Variants in MALRD1 observed in about 807,000 individuals in gnomAD.
MALRD1 encodes MAM and LDL-receptor class A domain-containing protein 1.
A neutral mutation model predicts 242.1 loss-of-function variants in MALRD1; 247 were observed. The ratio of observed to expected loss-of-function variants is 1.02; its 90% CI spans 0.92 to 1.13. The LOEUF is 1.13. Among genes scored for constraint, MALRD1 ranks in the 50% most tolerant of loss-of-function variants. The pLI is 0.00. For missense variants in MALRD1, 2,989 were observed against 2,533.1 expected, an observed-to-expected ratio of 1.18 and a Z score of -3.86; for synonymous variants, 995 against 866.6, an observed-to-expected ratio of 1.15 and a Z score of -2.60.
intron 29 of MALRD1, among the ~76,000 whole-genome samples, chr10:19,457,285 ATC>A (rs1441913871): frequency 6.6e-6 from 1 of 152,154 alleles, no homozygotes; most frequent in Non-Finnish European, 1.5e-5. Flanking sequence ...CACTTGACAT[ATC>A]TGTCAAGCAG....
intron 32 of MALRD1, among the ~76,000 whole-genome samples, chr10:19,533,921 A>C (rs554150219): frequency 1.3e-5 from 2 of 152,344 alleles, no homozygotes; most frequent in Admixed American, 1.3e-4. Flanking sequence ...TCCTCTAAGC[A>C]TTTAATGCAG....
intron 29 of MALRD1, among the ~76,000 whole-genome samples, chr10:19,454,713 T>TACACACACAC (rs35489123): frequency 9.1e-4 from 120 of 132,408 alleles, no homozygotes; most frequent in African/African-American, 3.0e-3. Context: ...CGTGCACACG[T>TACACACACAC]ACACACACAC....
chr10:19,282,316 T>C lies in MALRD1; in HGVS notation c.3257-703T>C, dbSNP rs776462430. ...ACATTAACTCATATACCCAAATTTC[T>C]AAATGGTCATAGTGGTATGCTGCCA... On this transcript the variant is annotated intron_variant, in intron 20 of 39. Transcript: ENST00000454679. 5.3e-5 allele frequency among the ~76,000 whole-genome samples: 8 copies of C among 152,184 alleles called. 1 individual carries two copies. Among genetic ancestry groups the C allele is most frequent in the Non-Finnish European group, 8.8e-5 (6 of 68,036 alleles).
chr10:19,287,372 C>A (rs2131904800), intron 21 of MALRD1, among the ~76,000 whole-genome samples: 1 of 152,038 alleles, frequency 6.6e-6, no homozygotes, highest in South Asian at 2.1e-4. Flanking sequence ...CTATTTCTCT[C>A]CCCAAATTCC....
At chr10:19,231,362 A>G (rs987697226) in intron 18 of MALRD1, among the ~76,000 whole-genome samples, 1 of 152,096 alleles carries the variant, frequency 6.6e-6, no homozygotes, top group Non-Finnish European at 1.5e-5. Context: ...ACAAATCTCT[A>G]TCTCAAATCT....
At chr10:19,623,492 A>C (rs1423025733) in intron 36 of MALRD1, among the ~76,000 whole-genome samples, 1 of 152,154 alleles carries the variant, frequency 6.6e-6, no homozygotes, top group Non-Finnish European at 1.5e-5. Context: ...ATCCCACAAC[A>C]TGCCATCTGC....
chr10:19,411,571 G>A (rs945954302), intron 28 of MALRD1, among the ~76,000 whole-genome samples: 1 of 152,130 alleles, frequency 6.6e-6, no homozygotes, highest in African/African-American at 2.4e-5. Context: ...AAGTTACAGA[G>A]AACTCATTAA....
chr10:19,602,557 G>A (rs1317849224), intron 34 of MALRD1, among the ~76,000 whole-genome samples: 1 of 151,780 alleles, frequency 6.6e-6, no homozygotes, highest in Non-Finnish European at 1.5e-5. Flanking sequence ...AGTGTTCCAT[G>A]GTGTATATGT....
In MALRD1 at chr10:19,426,715, A is replaced by T. The variant is rs1037159202; in HGVS notation, c.4846-23592A>T. On this transcript the variant is annotated intron_variant, in intron 28 of 39. Transcript: ENST00000454679. ...CTTCTTGGGAGGCTGAGGCAAGAGA[A>T]TCACTTGAACCTGGGAGGTAGAGGT... Among the ~76,000 whole-genome samples the T allele has an allele frequency of 2.6e-5, 4 of 152,264 alleles. No individual in the cohort carries two copies. In the East Asian group the frequency reaches 7.7e-4, roughly 29 times the overall value.
rs149780969 is a variant in MALRD1, at chr10:19,156,944, C to T, written c.1656+1772C>T. Among the ~76,000 whole-genome samples, 28 of 152,180 alleles carry T rather than the reference C, an allele frequency of 1.8e-4. No homozygotes were observed. In the East Asian group the frequency reaches 4.6e-3, roughly 25 times the overall value. ...GTAGTTTATCTCAAAACCAAGGCTTCGATCTCTAAAGGCTATGGATACTGA... is the reference window on the plus strand; with the variant it reads ...GTAGTTTATCTCAAAACCAAGGCTTTGATCTCTAAAGGCTATGGATACTGA... On this transcript the variant is annotated intron_variant, in intron 12 of 39. Transcript: ENST00000454679.
At chr10:19,366,093 T>A (rs1845096558) in intron 26 of MALRD1, among the ~76,000 whole-genome samples, 1 of 152,046 alleles carries the variant, frequency 6.6e-6, no homozygotes, top group South Asian at 2.1e-4. Context: ...TTAGGGATGA[T>A]TCAAGTATAT....
intron 31 of MALRD1, among the ~76,000 whole-genome samples, chr10:19,507,271 T>C (rs564319936): frequency 1.2e-3 from 182 of 152,224 alleles, no homozygotes; most frequent in African/African-American, 4.3e-3. Flanking sequence ...TATATCACCA[T>C]GGGTTGAAAT....
chr10:19,438,922 C>A, intron 28 of MALRD1, among the ~76,000 whole-genome samples: 1 of 152,128 alleles, frequency 6.6e-6, no homozygotes, highest in African/African-American at 2.4e-5. Flanking sequence ...AGCATGGGTA[C>A]CGTTCATCCA....
intron 31 of MALRD1, among the ~76,000 whole-genome samples, chr10:19,522,858 A>C (rs970851239): frequency 1.3e-5 from 2 of 152,156 alleles, no homozygotes; most frequent in Admixed American, 6.6e-5. Context: ...TTAGCTTGTA[A>C]GATTATTTTG....
chr10:19,571,030 C>T (rs913138894), intron 33 of MALRD1, among the ~76,000 whole-genome samples: 4 of 152,070 alleles, frequency 2.6e-5, no homozygotes, highest in Non-Finnish European at 5.9e-5. Flanking sequence ...GGAACTATTG[C>T]ATAGATGGAT....
chr10:19,734,113 A>C, intron 39 of MALRD1, 44 bp from the exon 40 acceptor site: 1 of 1,433,584 alleles, frequency 7.0e-7, no homozygotes. Context: ...TTCTTATCTT[A>C]ATGCCTAAAA....
At chr10:19,234,981 G>A (rs1253556074) in intron 18 of MALRD1, among the ~76,000 whole-genome samples, 1 of 152,178 alleles carries the variant, frequency 6.6e-6, no homozygotes, top group Non-Finnish European at 1.5e-5. Context: ...TGGATGGGAA[G>A]TAGCATGCTG....
intron 5 of MALRD1, among the ~76,000 whole-genome samples, chr10:19,118,619 A>G (rs771871881): frequency 1.3e-5 from 2 of 152,192 alleles, no homozygotes; most frequent in Non-Finnish European, 2.9e-5. Context: ...AATAGACTGT[A>G]GATGTTTCTT....
chr10:19,108,041 G>T (rs1046446693), intron 5 of MALRD1, among the ~76,000 whole-genome samples: 1 of 152,030 alleles, frequency 6.6e-6, no homozygotes, highest in African/African-American at 2.4e-5. Context: ...TTTGTCCCAA[G>T]GCTTGGGAGG....
Sources: allele counts gnomAD v4.1 joint callset (sites outside exome capture counted in the v4.1 genomes callset), GRCh38; gene constraint gnomAD v4.1.1; transcripts MANE v1.5; gene names NCBI Gene and HGNC (gene_info 2026-07-23, HGNC 2026-07-21).